Variants in USP15 observed in about 807,000 individuals in gnomAD.
The protein encoded by USP15 is ubiquitin carboxyl-terminal hydrolase 15.
In USP15, 18 loss-of-function variants were observed where a neutral mutation model predicts 127.1. That is an observed-to-expected ratio of 0.14 (90% CI 0.10 to 0.21). The LOEUF is 0.21. Among genes scored for constraint, USP15 ranks in the 10% least tolerant of loss-of-function variants. USP15 has a pLI of 1.00. For missense variants in USP15, 805 were observed against 1,159.9 expected, an observed-to-expected ratio of 0.69 and a Z score of 4.44; for synonymous variants, 364 against 393.7, an observed-to-expected ratio of 0.92 and a Z score of 0.89.
intron 16 of USP15, among the ~76,000 whole-genome samples, 193 bp from the exon 17 acceptor site, chr12:62,391,623 C>T (rs927618557): frequency 6.6e-6 from 1 of 151,996 alleles, no homozygotes; most frequent in Non-Finnish European, 1.5e-5. Context: ...AGATTGAACT[C>T]ATGCTTCAGT....
chr12:62,339,206 T>C (rs2065575018), intron 6 of USP15, among the ~76,000 whole-genome samples: 1 of 152,140 alleles, frequency 6.6e-6, no homozygotes, highest in South Asian at 2.1e-4. Context: ...ATTTTCGGTG[T>C]ATAGGAATGC....
At chr12:62,367,729 G>T (rs1184680541) in intron 8 of USP15, among the ~76,000 whole-genome samples, 2 of 150,410 alleles carry the variant, frequency 1.3e-5, no homozygotes, top group South Asian at 4.2e-4. Flanking sequence ...CTAGCAGTCT[G>T]TCTATTTTGT....
chr12:62,333,315 G>A, intron 6 of USP15, among the ~76,000 whole-genome samples: 1 of 152,138 alleles, frequency 6.6e-6, no homozygotes, highest in East Asian at 1.9e-4. Context: ...TACCCAGGCT[G>A]GAATGCAGTG....
intron 1 of USP15, among the ~76,000 whole-genome samples, chr12:62,289,307 G>A (rs939333379): frequency 1.1e-4 from 17 of 151,904 alleles, no homozygotes; most frequent in African/African-American, 3.9e-4. Context: ...AGGGCTTCCA[G>A]TTCTTTCTGG....
At chr12:62,361,078 A>C (rs2066299123) in intron 8 of USP15, among the ~76,000 whole-genome samples, 1 of 152,062 alleles carries the variant, frequency 6.6e-6, no homozygotes, top group African/African-American at 2.4e-5. Context: ...TTTTTGAAAG[A>C]GAACAGAGGT....
chr12:62,298,523 G>A (rs960756061), intron 2 of USP15, among the ~76,000 whole-genome samples: 1 of 151,986 alleles, frequency 6.6e-6, no homozygotes, highest in Non-Finnish European at 1.5e-5. Context: ...AAAATTAGCT[G>A]GGTGTGGTGG....
chr12:62,397,995 T>C (rs1332121401), intron 20 of USP15, among the ~76,000 whole-genome samples: 1 of 109,490 alleles, frequency 9.1e-6, no homozygotes, highest in Admixed American at 9.4e-5. Flanking sequence ...TTATTTTATC[T>C]ATACGTTTTT....
At chr12:62,354,820 A>C (rs567749702) in intron 7 of USP15, among the ~76,000 whole-genome samples, 128 of 152,088 alleles carry the variant, frequency 8.4e-4, no homozygotes, top group African/African-American at 3.0e-3. Context: ...CTCGCATAGA[A>C]ACTATAAATG....
chr12:62,278,833 G>C (rs11174411), intron 1 of USP15: 47,015 of 151,890 alleles, frequency 0.31, 7,543 homozygotes, highest in African/African-American at 0.38. Flanking sequence ...CCAGCTAACA[G>C]AAAATCTGTT....
chr12:62,320,502 A>G (rs2064954924), intron 4 of USP15, among the ~76,000 whole-genome samples: 1 of 152,188 alleles, frequency 6.6e-6, no homozygotes, highest in Admixed American at 6.6e-5. Context: ...GACTAATACA[A>G]GTACTAACAG....
chr12:62,375,176 A>G (rs889494771), intron 8 of USP15, among the ~76,000 whole-genome samples: 1 of 152,176 alleles, frequency 6.6e-6, no homozygotes, highest in East Asian at 1.9e-4. Flanking sequence ...CTTCATAAAA[A>G]TATATTTCCA....
chr12:62,305,448 C>T (rs1027565064), intron 3 of USP15: 18 of 152,102 alleles, frequency 1.2e-4, no homozygotes, highest in African/African-American at 4.1e-4. Context: ...GAAAATAATC[C>T]TTCAGGGATG....
At chr12:62,354,231 A>T (rs944670288) in intron 7 of USP15, among the ~76,000 whole-genome samples, 1 of 151,908 alleles carries the variant, frequency 6.6e-6, no homozygotes, top group African/African-American at 2.4e-5. Context: ...AGAGCGTCCT[A>T]TATGGAATAA....
chr12:62,265,191 T>C (rs1313503062), intron 1 of USP15, among the ~76,000 whole-genome samples: 2 of 152,212 alleles, frequency 1.3e-5, no homozygotes, highest in East Asian at 1.9e-4. Flanking sequence ...TTATACCATT[T>C]TCCTGTTAGC....
At chr12:62,308,835 G>C (rs1272131509) in intron 3 of USP15, among the ~76,000 whole-genome samples, 1 of 152,050 alleles carries the variant, frequency 6.6e-6, no homozygotes. Context: ...GTAACAAAGA[G>C]ATAACCTGAT....
chr12:62,374,313 A>T, intron 8 of USP15: 3 of 913,368 alleles, frequency 3.3e-6, no homozygotes, highest in Non-Finnish European at 3.9e-6. Flanking sequence ...TTACCTTTTG[A>T]TTAGTTATAG....
At chr12:62,318,198 T>C (rs1197154087) in intron 4 of USP15, among the ~76,000 whole-genome samples, 1 of 152,184 alleles carries the variant, frequency 6.6e-6, no homozygotes, top group Admixed American at 6.5e-5. Context: ...GCTGTTGTTA[T>C]CTGTAACTGC....
chr12:62,368,461 T>C (rs2066552847), intron 8 of USP15, among the ~76,000 whole-genome samples: 2 of 152,198 alleles, frequency 1.3e-5, no homozygotes, highest in South Asian at 2.1e-4. Context: ...TTTGTAGGTC[T>C]CTAAGAACTT....
At chr12:62,298,727 G>A (rs1002634679) in intron 2 of USP15, among the ~76,000 whole-genome samples, 5 of 151,530 alleles carry the variant, frequency 3.3e-5, no homozygotes, top group African/African-American at 1.2e-4. Context: ...TACTTGGGAG[G>A]CTGAGGTGAG....
Sources: gnomAD v4.1 joint callset for allele counts (sites outside exome capture counted in the v4.1 genomes callset) on GRCh38, gnomAD v4.1.1 for gene constraint, MANE v1.5 for transcripts, NCBI Gene and HGNC (gene_info 2026-07-23, HGNC 2026-07-21) for gene names.